The following YME1L1 variants were observed in gnomAD, a reference collection of about 807,000 sequenced individuals.
YME1L1 encodes YME1 like 1 ATPase.
A neutral mutation model predicts 90.4 loss-of-function variants in YME1L1; 39 were observed. The ratio of observed to expected loss-of-function variants is 0.43; its 90% CI spans 0.33 to 0.56. The LOEUF is 0.56. YME1L1 is among the 20% of genes least tolerant of loss of function. The pLI, the probability that YME1L1 is intolerant of heterozygous loss-of-function variation, is 0.03. For synonymous variants in YME1L1, 284 were observed against 287.3 expected (o/e 0.99, Z 0.12); for missense variants, 617 against 868.4 (o/e 0.71, Z 3.64).
intron 18 of YME1L1, among the ~76,000 whole-genome samples, chr10:27,113,219 C>CAAAAAAAAAAAAAAAAAAAAAA (rs869122796): frequency 2.3e-5 from 1 of 43,088 alleles, no homozygotes; most frequent in African/African-American, 8.3e-5. Flanking sequence ...GATGCTGTCT[C>CAAAAAAAAAAAAAAAAAAAAAA]AAAAAAAAAA....
At chr10:27,114,744 G>C in intron 17 of YME1L1, 137 bp from the exon 18 acceptor site, 1 of 596,574 alleles carries the variant, frequency 1.7e-6, no homozygotes, top group Non-Finnish European at 2.8e-6. Flanking sequence ...AACTGCATTT[G>C]AGGCCGGGCA....
chr10:27,119,019 C>T (rs559516210), intron 14 of YME1L1, among the ~76,000 whole-genome samples: 22 of 152,216 alleles, frequency 1.4e-4, no homozygotes, highest in African/African-American at 5.3e-4. Flanking sequence ...AGAGACAAAA[C>T]TAATAAATGT....
At chr10:27,143,055 T>C (rs1291441100) in intron 3 of YME1L1, among the ~76,000 whole-genome samples, 1 of 151,826 alleles carries the variant, frequency 6.6e-6, no homozygotes. Flanking sequence ...ATGTAGCTAA[T>C]GAAACTAAAT....
chr10:27,150,564 C>T (rs957404507), intron 1 of YME1L1, among the ~76,000 whole-genome samples: 5 of 152,302 alleles, frequency 3.3e-5, no homozygotes, highest in Admixed American at 3.3e-4. Flanking sequence ...CCAAATCCCA[C>T]CAAAACTAAG....
chr10:27,116,465 G>A (rs765391714), intron 15 of YME1L1, 120 bp from the exon 16 acceptor site: 44 of 1,043,818 alleles, frequency 4.2e-5, no homozygotes, highest in Non-Finnish European at 5.0e-5. Context: ...TTGGGAGTTC[G>A]AGACCAGCCT....
In YME1L1 at chr10:27,111,718, A is replaced by G. The variant is rs1037280634; in HGVS notation, c.*259T>C. On this transcript the variant is annotated 3_prime_UTR_variant, in exon 19 of 19. Coordinates refer to ENST00000376016, the MANE Select transcript of YME1L1 (RefSeq NM_014263.4). ...ACTTTCAACTTAATAACTAATTGACATTCCTCAAAAGAGCTGTTTTCAATC... is the reference window on the plus strand; with the variant it reads ...ACTTTCAACTTAATAACTAATTGACGTTCCTCAAAAGAGCTGTTTTCAATC... The G allele has an allele frequency of 7.5e-6, 4 of 534,998 alleles. No individual in the cohort carries two copies. In the African/African-American group the frequency reaches 7.6e-5, roughly 10 times the overall value. 33.1% of individuals were successfully genotyped at this position (534,998 alleles called of 1,614,324 possible).
chr10:27,152,576 T>C (rs1377675186), intron 1 of YME1L1, among the ~76,000 whole-genome samples: 8 of 152,026 alleles, frequency 5.3e-5, no homozygotes, highest in Non-Finnish European at 1.2e-4. Context: ...AGGCAAAGAG[T>C]TGAGTTTCAA....
chr10:27,114,512 T>C lies in YME1L1; in HGVS notation c.2007+9A>G. On this transcript the variant is annotated intron_variant, in intron 18 of 18. Transcript: ENST00000376016. Reference sequence around the variant, plus strand: ...TAAGAAAATAAATAAGCACAAAAAATATTATTACCCTTAGAAGGATTCTTA... The same window carrying C: ...TAAGAAAATAAATAAGCACAAAAAACATTATTACCCTTAGAAGGATTCTTA... 1 of 1,600,768 alleles carries C rather than the reference T, an allele frequency of 6.2e-7. No individual in the cohort carries two copies. The highest frequency in any genetic ancestry group is 8.5e-7 in the Non-Finnish European group (1 of 1,175,416).
chr10:27,153,444 G>A (rs889805268), intron 1 of YME1L1, among the ~76,000 whole-genome samples: 2 of 152,054 alleles, frequency 1.3e-5, no homozygotes, highest in African/African-American at 4.8e-5. Flanking sequence ...CAAAACTGTA[G>A]GAACTCTCAA....
Position 27,123,649 on chromosome 10 carries a change from C to T in YME1L1, c.1000G>A (p.Ala334Thr). 1 of 1,613,810 alleles carries T rather than the reference C, an allele frequency of 6.2e-7. No individual in the cohort carries two copies. Among genetic ancestry groups the T allele is most frequent in the Non-Finnish European group, 8.5e-7 (1 of 1,179,860 alleles). The stretch of plus-strand genomic sequence containing the variant: ...GGAACATCAGCTTCTCCCGCCACAG[C>T]TCGGGCAAGAAGTGTCTTTCCAGTC... The part of the protein sequence containing the change: ...PGTGKTLLAR[A>T]VAGEADVPFY... Residue 334 changes from alanine to threonine, a missense_variant, in exon 10 of 19, where the codon GCT becomes ACT. By Grantham distance (58) the Ala-to-Thr change is moderately conservative (BLOSUM62 0). Around this residue, in one of 4 missense-constraint regions of YME1L1, gnomAD observed 93 missense variants for 184.8 expected, o/e 0.50. Coordinates refer to ENST00000376016, the MANE Select transcript of YME1L1 (RefSeq NM_014263.4).
chr10:27,138,389 T>C (rs1268068549), intron 4 of YME1L1, among the ~76,000 whole-genome samples: 4 of 152,128 alleles, frequency 2.6e-5, no homozygotes, highest in African/African-American at 9.7e-5. Flanking sequence ...TGGGGTTGTA[T>C]TGACTTTACA....
intron 8 of YME1L1, among the ~76,000 whole-genome samples, chr10:27,127,430 G>A (rs1588594385): frequency 6.6e-6 from 1 of 152,106 alleles, no homozygotes; most frequent in African/African-American, 2.4e-5. Flanking sequence ...CAAGAGACTT[G>A]TATAAAAATA....
Position 27,122,983 on chromosome 10 carries a change from C to A in YME1L1, c.1103-10G>T, listed in dbSNP as rs1564458085. 1.2e-6 allele frequency: 2 copies of A among 1,600,504 alleles called. No individual in the cohort carries two copies. The highest frequency in any genetic ancestry group is 2.7e-5 in the African/African-American group (2 of 74,054). ...TTCGCCTTTGCTTCCCCTAAGAAAA[C>A]AAAAAACATTCAAATAAGCTGAAAG... is the stretch of plus-strand genomic sequence containing the variant. On this transcript the variant is annotated splice_polypyrimidine_tract_variant and intron_variant, in intron 10 of 18. Transcript: ENST00000376016.
At chr10:27,117,305 C>T (rs1415768822) in intron 15 of YME1L1, among the ~76,000 whole-genome samples, 1 of 152,098 alleles carries the variant, frequency 6.6e-6, no homozygotes, top group African/African-American at 2.4e-5. Context: ...TGGTGGCTCA[C>T]GCCTGTAATC....
At chr10:27,153,942 C>G (rs202116173) in intron 1 of YME1L1, among the ~76,000 whole-genome samples, 2 of 127,442 alleles carry the variant, frequency 1.6e-5, no homozygotes, top group East Asian at 6.7e-4. Flanking sequence ...GCCAGGGTCT[C>G]TCTCTATCAC....
intron 6 of YME1L1, 63 bp downstream of exon 6, chr10:27,134,768 T>G: frequency 6.5e-7 from 1 of 1,546,584 alleles, no homozygotes; most frequent in Non-Finnish European, 8.9e-7. Context: ...AAAACTTAAA[T>G]GTAGGACTAT....
chr10:27,116,205 T>G lies in YME1L1; in HGVS notation c.1846+14A>C. ...CACATATAATTTGAACTAAAGCCAT[T>G]CTTTAAAGCTAACCTGTTGTAATAT... On this transcript the variant is annotated intron_variant, in intron 16 of 18. Transcript: ENST00000376016. 1 of 1,614,094 alleles carries G rather than the reference T, an allele frequency of 6.2e-7. No homozygotes were observed.
rs376867302 is a variant in YME1L1 at position 27,111,998 on chromosome 10, C to G, written c.2130G>C (p.Gly710=). The stretch of plus-strand genomic sequence containing the variant: ...GTTATCATCTCACTTCCAACTTTTT[C>G]CCCTCAAGAACAATTTGAATCTCTT... ...DAKEIQIVLE[G]KKLEVR Residue 710 remains glycine, a synonymous_variant, in exon 19 of 19, where the codon GGG becomes GGC. Coordinates refer to ENST00000376016, the MANE Select transcript of YME1L1 (RefSeq NM_014263.4). 24 of 1,613,950 alleles carry G rather than the reference C, an allele frequency of 1.5e-5. No individual in the cohort carries two copies. Among genetic ancestry groups the G allele is most frequent in the Non-Finnish European group, 2.0e-5 (24 of 1,179,974 alleles).
chr10:27,128,665 G>A (rs1287085598), intron 8 of YME1L1, among the ~76,000 whole-genome samples: 1 of 152,078 alleles, frequency 6.6e-6, no homozygotes, highest in Non-Finnish European at 1.5e-5. Flanking sequence ...AGCACTTTGG[G>A]AGGCAAAGAT....
Sources: gnomAD v4.1 joint callset for allele counts (sites outside exome capture counted in the v4.1 genomes callset) on GRCh38, gnomAD v4.1.1 for gene constraint, gnomAD v4.1.1 regional missense constraint, MANE v1.5 for transcripts, NCBI Gene and HGNC (gene_info 2026-07-23, HGNC 2026-07-21) for gene names.